The following RALY variants were observed in gnomAD, a reference collection of about 807,000 sequenced individuals.
RALY encodes RALY heterogeneous nuclear ribonucleoprotein.
Under a neutral mutation model 30.7 loss-of-function variants are expected in RALY, and 15 were observed. That is an observed-to-expected ratio of 0.49 (90% CI 0.33 to 0.75). The LOEUF (loss-of-function observed/expected upper bound fraction) is 0.75. Among genes scored for constraint, RALY ranks in the 30% least tolerant of loss-of-function variants. The pLI is 0.02. For missense variants in RALY, 339 were observed against 414.3 expected (o/e 0.82, Z 1.58); for synonymous variants, 177 against 170.8 (o/e 1.04, Z -0.28).
chr20:34,050,819 T>C (rs539962490), intron 2 of RALY, among the ~76,000 whole-genome samples: 5 of 152,174 alleles, frequency 3.3e-5, no homozygotes, highest in Non-Finnish European at 7.3e-5. Flanking sequence ...ACAGCCAGTA[T>C]GCTATCTCTA....
chr20:34,073,917 T>G, intron 5 of RALY, 51 bp downstream of exon 5: 1 of 1,580,808 alleles, frequency 6.3e-7, no homozygotes, highest in Admixed American at 1.7e-5. Context: ...GCTGGAAGGG[T>G]CTTGAGAGAT....
At chr20:34,048,877 T>A (rs1015919017) in intron 2 of RALY, among the ~76,000 whole-genome samples, 7 of 133,100 alleles carry the variant, frequency 5.3e-5, no homozygotes, top group African/African-American at 1.6e-4. Flanking sequence ...AAAAATTTTC[T>A]CTGCATCACC....
At position 34,080,615 on chromosome 20, in the gene RALY, T is replaced by C. The variant is rs958692088; in HGVS notation, c.*710T>C. On this transcript the variant is annotated 3_prime_UTR_variant, in exon 10 of 10. Transcript: ENST00000246194. The stretch of plus-strand genomic sequence containing the variant: ...GCTTAGGACACTATAATTTTTTCAT[T>C]TGGACGTTGTCCTCCCACCAGCCTC... 3 of 152,380 alleles carry C rather than the reference T, an allele frequency of 2.0e-5. No homozygotes were observed. The highest frequency in any genetic ancestry group is 2.9e-5 in the Non-Finnish European group (2 of 68,098). 9.4% of individuals were successfully genotyped at this position (152,380 alleles called of 1,614,324 possible).
At chr20:34,010,744 T>C (rs1349062387) in intron 1 of RALY, among the ~76,000 whole-genome samples, 1 of 152,154 alleles carries the variant, frequency 6.6e-6, no homozygotes, top group African/African-American at 2.4e-5. Context: ...AAGTAGAATT[T>C]TTAGCTGAAA....
chr20:34,028,766 A>G (rs1308853619), intron 1 of RALY, among the ~76,000 whole-genome samples: 1 of 149,702 alleles, frequency 6.7e-6, no homozygotes, highest in African/African-American at 2.5e-5. Flanking sequence ...AAAAGGGTTC[A>G]GGATTACGTC....
chr20:34,050,058 C>T (rs914592204), intron 2 of RALY, among the ~76,000 whole-genome samples: 5 of 152,194 alleles, frequency 3.3e-5, no homozygotes, highest in African/African-American at 1.2e-4. Flanking sequence ...CCCATCAGCT[C>T]CTGCTGTTCC....
chr20:34,061,979 C>A (rs1015695510), intron 2 of RALY, among the ~76,000 whole-genome samples: 1 of 152,160 alleles, frequency 6.6e-6, no homozygotes, highest in African/African-American at 2.4e-5. Flanking sequence ...TTGGGCAAGT[C>A]CCTTTCTCTG....
intron 2 of RALY, among the ~76,000 whole-genome samples, chr20:34,054,355 T>G (rs1319653883): frequency 1.3e-5 from 2 of 152,194 alleles, no homozygotes; most frequent in African/African-American, 4.8e-5. Flanking sequence ...AATACAAAAG[T>G]GCAGCAGATG....
chr20:34,056,274 C>G (rs1221661712), intron 2 of RALY, among the ~76,000 whole-genome samples: 1 of 152,166 alleles, frequency 6.6e-6, no homozygotes, highest in East Asian at 1.9e-4. Context: ...TACTCTCTTA[C>G]CTGTGTGTGG....
intron 1 of RALY, among the ~76,000 whole-genome samples, chr20:34,002,775 C>T (rs1333484756): frequency 6.6e-6 from 1 of 152,102 alleles, no homozygotes; most frequent in East Asian, 1.9e-4. Flanking sequence ...ATCTGGACAC[C>T]CACACAGTTC....
chr20:34,004,117 A>G (rs1331112744), intron 1 of RALY, among the ~76,000 whole-genome samples: 1 of 152,236 alleles, frequency 6.6e-6, no homozygotes, highest in Non-Finnish European at 1.5e-5. Context: ...AGCAAGTACC[A>G]TAAAGGGGTA....
At chr20:34,039,493 T>C (rs1347692849) in intron 2 of RALY, among the ~76,000 whole-genome samples, 1 of 152,258 alleles carries the variant, frequency 6.6e-6, no homozygotes, top group African/African-American at 2.4e-5. Flanking sequence ...CAGGGCTTTC[T>C]GAAATTTCAT....
At chr20:34,032,890 A>G (rs1280554837) in intron 2 of RALY, among the ~76,000 whole-genome samples, 2 of 152,148 alleles carry the variant, frequency 1.3e-5, no homozygotes, top group African/African-American at 4.8e-5. Flanking sequence ...TTCAGAAAGG[A>G]GATTCAGTTG....
chr20:34,078,691 C>T (rs2033963383), intron 9 of RALY, 138 bp downstream of exon 9: 2 of 744,618 alleles, frequency 2.7e-6, no homozygotes, highest in Admixed American at 4.1e-5. Context: ...AATGAAGTCC[C>T]CTCCATATCT....
At chr20:34,023,047 G>A (rs560616185) in intron 1 of RALY, among the ~76,000 whole-genome samples, 124 of 152,286 alleles carry the variant, frequency 8.1e-4, no homozygotes, top group African/African-American at 2.8e-3. Context: ...AACAGACCCC[G>A]TCAGCAAGGC....
At chr20:34,000,966 T>A (rs2030886921) in intron 1 of RALY, among the ~76,000 whole-genome samples, 1 of 152,210 alleles carries the variant, frequency 6.6e-6, no homozygotes, top group Non-Finnish European at 1.5e-5. Context: ...TTTGTGGAAG[T>A]GGCTTGAGAA....
intron 1 of RALY, among the ~76,000 whole-genome samples, chr20:34,003,537 T>G (rs1185120036): frequency 6.6e-6 from 1 of 151,504 alleles, no homozygotes; most frequent in Non-Finnish European, 1.5e-5. Context: ...AGACTGGAGG[T>G]GAACTGTTCA....
At chr20:34,054,736 G>T (rs534705095) in intron 2 of RALY, among the ~76,000 whole-genome samples, 4 of 151,846 alleles carry the variant, frequency 2.6e-5, no homozygotes, top group Non-Finnish European at 4.4e-5. Context: ...TGAGGCACAA[G>T]AATCGCTTGA....
At chr20:34,048,729 G>A (rs758776776) in intron 2 of RALY, among the ~76,000 whole-genome samples, 29 of 151,696 alleles carry the variant, frequency 1.9e-4, no homozygotes, top group African/African-American at 5.8e-4. Context: ...GGTGGCGGGC[G>A]CCTGTAGTCC....
Sources: allele counts gnomAD v4.1 joint callset (sites outside exome capture counted in the v4.1 genomes callset), GRCh38; gene constraint gnomAD v4.1.1; transcripts MANE v1.5; gene names NCBI Gene and HGNC (gene_info 2026-07-23, HGNC 2026-07-21).